The following AFAP1L2 variants were observed in gnomAD, a reference collection of about 807,000 sequenced individuals.
AFAP1L2 encodes actin filament-associated protein 1-like 2.
In AFAP1L2, 46 loss-of-function variants were observed where a neutral mutation model predicts 99.3. The observed-to-expected ratio is 0.46, with a 90% CI of 0.37 to 0.59. The LOEUF is 0.59. Among genes scored for constraint, AFAP1L2 ranks in the 20% least tolerant of loss-of-function variants. The pLI, the probability that AFAP1L2 is intolerant of heterozygous loss-of-function variation, is 0.00. For missense variants in AFAP1L2, 959 were observed against 1,034.9 expected (o/e 0.93, Z 1.01); for synonymous variants, 397 against 419.1 (o/e 0.95, Z 0.64).
At chr10:114,390,281 T>C (rs1274822277) in intron 1 of AFAP1L2, among the ~76,000 whole-genome samples, 1 of 152,122 alleles carries the variant, frequency 6.6e-6, no homozygotes, top group Non-Finnish European at 1.5e-5. Context: ...ACCTGTTCCC[T>C]CTCCCAAGTG....
chr10:114,383,655 T>C (rs1409171096), intron 1 of AFAP1L2, among the ~76,000 whole-genome samples: 1 of 152,244 alleles, frequency 6.6e-6, no homozygotes, highest in Non-Finnish European at 1.5e-5. Flanking sequence ...CTGTTGTGTA[T>C]GCTATTTTAA....
intron 10 of AFAP1L2, among the ~76,000 whole-genome samples, chr10:114,306,431 T>G (rs1590000212): frequency 8.7e-6 from 1 of 114,342 alleles, no homozygotes; most frequent in East Asian, 3.0e-4. Flanking sequence ...TTCCTTAGAG[T>G]CCCCCAGATT....
At position 114,299,124 on chromosome 10, in the gene AFAP1L2, C is replaced by T. The variant is rs1273055983; in HGVS notation, c.2113+136G>A. ...GGAAGAAAGGACACACAAGGGAGCA[C>T]CCACCCAGGCCAAGGGTTGAAGGGG... On this transcript the variant is annotated intron_variant, in intron 16 of 18. Transcript: ENST00000304129. 3.0e-6 allele frequency: 3 copies of T among 993,578 alleles called. No homozygotes were observed. In the African/African-American group the frequency reaches 4.9e-5, roughly 16 times the overall value. 61.5% of individuals were successfully genotyped at this position (993,578 alleles called of 1,614,324 possible). A position where few individuals can be genotyped will look rare whatever the true frequency, so the allele number is the denominator to read the frequency against.
At chr10:114,355,426 C>G (rs1564963957) in intron 1 of AFAP1L2, among the ~76,000 whole-genome samples, 1 of 151,942 alleles carries the variant, frequency 6.6e-6, no homozygotes, top group African/African-American at 2.4e-5. Flanking sequence ...GACTGATGCT[C>G]ACATCCCTGT....
rs139271448 is a variant in AFAP1L2, at chr10:114,351,358, G to A, written c.17-10627C>T. Among the ~76,000 whole-genome samples the A allele has an allele frequency of 4.7e-3, 721 of 152,252 alleles. 6 individuals carry two copies. The highest frequency in any genetic ancestry group is 0.017 in the African/African-American group (699 of 41,538). ...CCCTGTTTACTTGATATTTGTATCA[G>A]AGAAAAAAGACATATTAAAGATGGA... On this transcript the variant is annotated intron_variant, in intron 1 of 18. Transcript: ENST00000304129.
chr10:114,336,214 A>G (rs10885554), intron 2 of AFAP1L2, among the ~76,000 whole-genome samples: 104,118 of 151,494 alleles, frequency 0.69, 38,511 homozygotes, highest in East Asian at 0.92. Flanking sequence ...GTAAGTAAGA[A>G]GTTCCCAAGA....
At chr10:114,301,014 G>C (rs760895564) in intron 13 of AFAP1L2, among the ~76,000 whole-genome samples, 1 of 152,162 alleles carries the variant, frequency 6.6e-6, no homozygotes, top group Non-Finnish European at 1.5e-5. Flanking sequence ...CCAAAACGTG[G>C]AAGTTGCCAT....
intron 16 of AFAP1L2, 85 bp from the exon 17 acceptor site, chr10:114,297,498 A>AC (rs2040439611): frequency 7.3e-7 from 1 of 1,375,720 alleles, no homozygotes; most frequent in Non-Finnish European, 9.9e-7. Flanking sequence ...GGGTCTACAT[A>AC]CCCCGCCACC....
At chr10:114,393,396 T>C (rs1003374946) in intron 1 of AFAP1L2, 2 of 152,214 alleles carry the variant, frequency 1.3e-5, no homozygotes, top group African/African-American at 4.8e-5. Context: ...ACAGGGAATG[T>C]GGGCTGCTGG....
chr10:114,405,021 G>A (rs568786059), upstream of AFAP1L2, among the ~76,000 whole-genome samples: 1 of 152,326 alleles, frequency 6.6e-6, no homozygotes, highest in African/African-American at 2.4e-5. Flanking sequence ...GGGCAGCGGG[G>A]CGGGCAACCA....
At chr10:114,398,722 G>A (rs971397385) in intron 1 of AFAP1L2, 1 of 834,286 alleles carries the variant, frequency 1.2e-6, no homozygotes, top group Non-Finnish European at 1.7e-6. Context: ...TGAGTGCCCA[G>A]GCCGGTGCCC....
intron 1 of AFAP1L2, among the ~76,000 whole-genome samples, chr10:114,387,887 T>C (rs1474458309): frequency 6.6e-6 from 1 of 152,090 alleles, no homozygotes; most frequent in East Asian, 1.9e-4. Flanking sequence ...TGGCTTTACC[T>C]GGTGGGAAGG....
At chr10:114,334,807 G>A (rs2047689588) in intron 2 of AFAP1L2, among the ~76,000 whole-genome samples, 1 of 152,370 alleles carries the variant, frequency 6.6e-6, no homozygotes, top group South Asian at 2.1e-4. Flanking sequence ...AAAGTGCCCT[G>A]CAGGGAGAGG....
chr10:114,403,966 CCA>C (rs2058475643), intron 1 of AFAP1L2, among the ~76,000 whole-genome samples: 1 of 152,242 alleles, frequency 6.6e-6, no homozygotes, highest in Non-Finnish European at 1.5e-5. Context: ...CGCGCCCACT[CCA>C]CTGCCCAAGC....
chr10:114,315,736 C>T lies in AFAP1L2; in HGVS notation c.436G>A (p.Glu146Lys), dbSNP rs764632757. The change falls in exon 6 of 19, where the codon GAG becomes AAG. Residue 146 changes from glutamate to lysine, a missense_variant. Physicochemically the swap from Glu to Lys is moderately conservative, Grantham distance 56 (BLOSUM62 1). Around this residue, in one of 2 missense-constraint regions of AFAP1L2, gnomAD observed 383 missense variants for 472.8 expected, o/e 0.81. Transcript: ENST00000304129. ...EDGEAVSSSYESYDEEDGSKG... is the reference protein window; with the variant it reads ...EDGEAVSSSYKSYDEEDGSKG... ...CTGCCGTCCTCTTCATCGTAGGACTCGTAGGAGCTGCTCACAGCCTCTCCG... is the reference window on the plus strand; with the variant it reads ...CTGCCGTCCTCTTCATCGTAGGACTTGTAGGAGCTGCTCACAGCCTCTCCG... 18 of 1,613,006 alleles carry T rather than the reference C, an allele frequency of 1.1e-5. No homozygotes were observed. The highest frequency in any genetic ancestry group is 1.5e-5 in the Non-Finnish European group (18 of 1,179,838).
intron 1 of AFAP1L2, among the ~76,000 whole-genome samples, chr10:114,403,040 T>G (rs1317652014): frequency 6.6e-6 from 1 of 152,348 alleles, no homozygotes; most frequent in African/African-American, 2.4e-5. Flanking sequence ...CTTCCTCAAG[T>G]GTCTGAGACA....
chr10:114,301,349 C>A lies in AFAP1L2; in HGVS notation c.1542+5G>T. 1.2e-6 allele frequency: 2 copies of A among 1,612,880 alleles called. No homozygotes were observed. The highest frequency in any genetic ancestry group is 1.7e-6 in the Non-Finnish European group (2 of 1,178,830). ...GCCCAGGCCACTGCCTGGCCGGGTC[C>A]TTACCGCAGCTGTGAGCTCTGACAG... On this transcript the variant is annotated splice_donor_5th_base_variant and intron_variant, in intron 13 of 18. Transcript: ENST00000304129.
intron 1 of AFAP1L2, among the ~76,000 whole-genome samples, chr10:114,359,893 T>C (rs898724559): frequency 4.6e-5 from 7 of 151,988 alleles, no homozygotes; most frequent in South Asian, 2.1e-4. Context: ...CTGTTTTAAC[T>C]GGTGTCCTTC....
intron 1 of AFAP1L2, among the ~76,000 whole-genome samples, chr10:114,390,301 C>T (rs2056977779): frequency 6.6e-6 from 1 of 152,238 alleles, no homozygotes; most frequent in Non-Finnish European, 1.5e-5. Context: ...GACACCTAGA[C>T]TGCTTCCCAT....
Sources: gnomAD v4.1 joint callset for allele counts (sites outside exome capture counted in the v4.1 genomes callset) on GRCh38, gnomAD v4.1.1 for gene constraint, gnomAD v4.1.1 regional missense constraint, MANE v1.5 for transcripts, NCBI Gene and HGNC (gene_info 2026-07-23, HGNC 2026-07-21) for gene names.